Variants in SCN7A observed in about 807,000 individuals in gnomAD.
The protein encoded by SCN7A is sodium channel protein type 7 subunit alpha.
A neutral mutation model predicts 155.2 loss-of-function variants in SCN7A; 138 were observed. The observed-to-expected ratio is 0.89, with a 90% CI of 0.77 to 1.02. The LOEUF (loss-of-function observed/expected upper bound fraction) is 1.02. Ranked by LOEUF, SCN7A falls within the 50% of genes least tolerant of loss-of-function variation. The pLI, the probability that SCN7A is intolerant of heterozygous loss-of-function variation, is 0.00. For synonymous variants in SCN7A, 693 were observed against 649.0 expected (o/e 1.07, Z -1.03); for missense variants, 2,058 against 1,986.6 (o/e 1.04, Z -0.68).
intron 1 of SCN7A, among the ~76,000 whole-genome samples, chr2:166,492,726 G>A (rs1480698806): frequency 6.6e-6 from 1 of 152,148 alleles, no homozygotes; most frequent in Non-Finnish European, 1.5e-5. Flanking sequence ...GACTTAGAAG[G>A]AAAATCAGAA....
intron 7 of SCN7A, among the ~76,000 whole-genome samples, chr2:166,469,706 G>C (rs984933339): frequency 6.6e-6 from 1 of 151,782 alleles, no homozygotes; most frequent in Non-Finnish European, 1.5e-5. Context: ...AATATGTGGG[G>C]AGTAGTAAGG....
chr2:166,414,901 T>TGG (rs1701333948), intron 21 of SCN7A, among the ~76,000 whole-genome samples: 2 of 91,060 alleles, frequency 2.2e-5, no homozygotes, highest in African/African-American at 8.8e-5. Context: ...TATATATTAT[T>TGG]ATATAGGATA....
rs115887810 is a variant in SCN7A at position 166,458,519 on chromosome 2, A to T, written c.1084-1443T>A. Among the ~76,000 whole-genome samples, 1,029 of 152,264 alleles carry T rather than the reference A, an allele frequency of 6.8e-3. 5 individuals are homozygous for T. The highest frequency in any genetic ancestry group is 0.011 in the Non-Finnish European group (725 of 68,018). On this transcript the variant is annotated intron_variant, in intron 10 of 25. Transcript: ENST00000643258. ...GAACAATATAGTGTAACAACTATAC[A>T]GTCTCATACCACATAATAACATTTA...
At chr2:166,467,504 C>T (rs1004853230) in intron 7 of SCN7A, among the ~76,000 whole-genome samples, 41 of 148,440 alleles carry the variant, frequency 2.8e-4, no homozygotes, top group African/African-American at 7.9e-4. Flanking sequence ...TATATATACA[C>T]ACACACACAC....
chr2:166,462,894 C>T (rs1702446396), intron 9 of SCN7A, among the ~76,000 whole-genome samples: 1 of 152,100 alleles, frequency 6.6e-6, no homozygotes. Flanking sequence ...AGCTAATTAG[C>T]ATATGCATAC....
At chr2:166,477,940 C>T (rs902447985) in intron 2 of SCN7A, among the ~76,000 whole-genome samples, 1 of 151,850 alleles carries the variant, frequency 6.6e-6, no homozygotes, top group Non-Finnish European at 1.5e-5. Context: ...TTTTAACATT[C>T]TTTTACTGAA....
chr2:166,414,321 T>TACAC (rs1701309932), intron 21 of SCN7A, among the ~76,000 whole-genome samples: 1 of 106,288 alleles, frequency 9.4e-6, no homozygotes, highest in Non-Finnish European at 1.7e-5. Context: ...TACACATATA[T>TACAC]ATATATATAT....
chr2:166,468,992 T>A (rs542318301), intron 7 of SCN7A, among the ~76,000 whole-genome samples: 3 of 151,436 alleles, frequency 2.0e-5, no homozygotes, highest in Non-Finnish European at 4.4e-5. Context: ...TATGTCTAAG[T>A]GTGTATTGTA....
intron 25 of SCN7A, among the ~76,000 whole-genome samples, chr2:166,408,793 A>C (rs1415595371): frequency 1.3e-5 from 2 of 151,928 alleles, no homozygotes; most frequent in African/African-American, 4.8e-5. Flanking sequence ...GTAAACTTAA[A>C]TATTGTTCCT....
intron 17 of SCN7A, 53 bp downstream of exon 17, chr2:166,429,116 G>T: frequency 2.0e-6 from 2 of 1,012,490 alleles, no homozygotes; most frequent in South Asian, 1.5e-5. Context: ...TATACATTTT[G>T]ACAACTTATA....
intron 14 of SCN7A, among the ~76,000 whole-genome samples, chr2:166,442,414 A>C (rs954721713): frequency 3.3e-5 from 5 of 151,972 alleles, no homozygotes; most frequent in Admixed American, 6.6e-5. Context: ...TGTTTGACAG[A>C]GTCTCTCTCT....
At chr2:166,486,197 G>T (rs1703043541) in intron 2 of SCN7A, among the ~76,000 whole-genome samples, 1 of 152,150 alleles carries the variant, frequency 6.6e-6, no homozygotes, top group Non-Finnish European at 1.5e-5. Context: ...TCTGTGGTTA[G>T]ACTTAATCTG....
At chr2:166,416,429 T>C (rs1279314080) in intron 21 of SCN7A, among the ~76,000 whole-genome samples, 1 of 152,160 alleles carries the variant, frequency 6.6e-6, no homozygotes, top group Non-Finnish European at 1.5e-5. Context: ...CCTACTGATA[T>C]GTGATGTCAC....
intron 1 of SCN7A, among the ~76,000 whole-genome samples, chr2:166,491,010 G>A (rs1683088279): frequency 6.6e-6 from 1 of 152,182 alleles, no homozygotes; most frequent in Admixed American, 6.5e-5. Flanking sequence ...GTAGATATGG[G>A]CAAGAGCCTG....
intron 17 of SCN7A, 32 bp from the exon 18 acceptor site, chr2:166,427,974 C>T: frequency 6.2e-7 from 1 of 1,601,132 alleles, no homozygotes; most frequent in South Asian, 1.1e-5. Flanking sequence ...GAACAACAAT[C>T]TAGAAAACTC....
At chr2:166,439,229 T>C (rs1196453814) in intron 15 of SCN7A, among the ~76,000 whole-genome samples, 1 of 151,786 alleles carries the variant, frequency 6.6e-6, no homozygotes, top group Non-Finnish European at 1.5e-5. Flanking sequence ...TCATAGGATT[T>C]GTGTTTGATC....
chr2:166,452,617 T>A (rs1702197690), intron 11 of SCN7A, among the ~76,000 whole-genome samples: 1 of 152,214 alleles, frequency 6.6e-6, no homozygotes, highest in Non-Finnish European at 1.5e-5. Context: ...AATATTTGTA[T>A]TTCTACAATT....
chr2:166,468,830 C>G lies in SCN7A; in HGVS notation c.664+1785G>C, dbSNP rs188677435. ...CTCAACTTCCCTGCCTACACTTTCC[C>G]CCAAGCTCTGAAACTCCACTGTCTA... On this transcript the variant is annotated intron_variant, in intron 7 of 25. Coordinates refer to ENST00000643258, the MANE Select transcript of SCN7A (RefSeq NM_002976.4). Among the ~76,000 whole-genome samples, 74 of 151,804 alleles carry G rather than the reference C, an allele frequency of 4.9e-4. 1 individual carries two copies. The highest frequency in any genetic ancestry group is 4.7e-3 in the Admixed American group (71 of 15,172).
intron 22 of SCN7A, 22 bp from the exon 23 acceptor site, chr2:166,412,689 A>G (rs770759939): frequency 2.0e-6 from 3 of 1,472,694 alleles, no homozygotes; most frequent in African/African-American, 2.9e-5. Context: ...AAATAAGCAA[A>G]TTATTGATAT....
Sources: allele counts gnomAD v4.1 joint callset (sites outside exome capture counted in the v4.1 genomes callset), GRCh38; gene constraint gnomAD v4.1.1; transcripts MANE v1.5; gene names NCBI Gene and HGNC (gene_info 2026-07-23, HGNC 2026-07-21).